NKAIN3: variants seen among roughly 807,000 people sequenced by gnomAD.
NKAIN3 encodes sodium/potassium-transporting ATPase subunit beta-1-interacting protein 3.
Under a neutral mutation model 30.2 loss-of-function variants are expected in NKAIN3, and 25 were observed. The ratio of observed to expected loss-of-function variants is 0.83; its 90% CI spans 0.60 to 1.16. The LOEUF is 1.16. NKAIN3 is among the 50% of genes most tolerant of loss of function. The pLI, the probability that NKAIN3 is intolerant of heterozygous loss-of-function variation, is 0.00. For synonymous variants in NKAIN3, 91 were observed against 89.6 expected (o/e 1.02, Z -0.09); for missense variants, 225 against 254.1 (o/e 0.89, Z 0.78).
chr8:62,693,086 G>C (rs1302514653), intron 3 of NKAIN3, among the ~76,000 whole-genome samples: 1 of 152,168 alleles, frequency 6.6e-6, no homozygotes, highest in Non-Finnish European at 1.5e-5. Context: ...CAGGTCCTGA[G>C]TCAGTTATAT....
At chr8:62,721,325 T>G (rs901736761) in intron 3 of NKAIN3, among the ~76,000 whole-genome samples, 3 of 152,232 alleles carry the variant, frequency 2.0e-5, no homozygotes, top group African/African-American at 7.2e-5. Flanking sequence ...ACTGCTACTT[T>G]GTGCTTGGCC....
chr8:62,256,416 CTCTA>C (rs1238368019), intron 1 of NKAIN3, among the ~76,000 whole-genome samples: 1 of 151,772 alleles, frequency 6.6e-6, no homozygotes, highest in Non-Finnish European at 1.5e-5. Flanking sequence ...AAGAATCTGT[CTCTA>C]AATAAATAAA....
At chr8:62,702,714 A>G (rs1321081005) in intron 3 of NKAIN3, among the ~76,000 whole-genome samples, 1 of 152,208 alleles carries the variant, frequency 6.6e-6, no homozygotes, top group Non-Finnish European at 1.5e-5. Context: ...CTATTTTTGA[A>G]AAATTCTAGA....
chr8:62,764,424 C>A (rs932093827), intron 4 of NKAIN3, among the ~76,000 whole-genome samples: 1 of 152,104 alleles, frequency 6.6e-6, no homozygotes, highest in Admixed American at 6.6e-5. Context: ...GCTGTACTTA[C>A]TGAGGTTACT....
chr8:62,964,556 G>T (rs1823652946), intron 6 of NKAIN3, among the ~76,000 whole-genome samples: 3 of 151,718 alleles, frequency 2.0e-5, no homozygotes, highest in Admixed American at 2.0e-4. Flanking sequence ...GTGTGTGTGT[G>T]TGTGTGTGTG....
intron 5 of NKAIN3, among the ~76,000 whole-genome samples, chr8:62,923,568 T>C (rs1822343767): frequency 6.6e-6 from 1 of 152,132 alleles, no homozygotes; most frequent in African/African-American, 2.4e-5. Flanking sequence ...AATCAAGGTA[T>C]AGGGAGATAA....
intron 1 of NKAIN3, among the ~76,000 whole-genome samples, chr8:62,308,732 A>G (rs935514170): frequency 6.6e-6 from 1 of 150,502 alleles, no homozygotes; most frequent in African/African-American, 2.5e-5. Flanking sequence ...TCCAGGTGAC[A>G]AGCCAGCTAC....
intron 1 of NKAIN3, among the ~76,000 whole-genome samples, chr8:62,549,225 C>T (rs990651541): frequency 6.6e-6 from 1 of 152,154 alleles, no homozygotes; most frequent in Non-Finnish European, 1.5e-5. Flanking sequence ...CACCCAGGCA[C>T]TCAGTAAAAT....
At chr8:62,316,299 C>T (rs944296603) in intron 1 of NKAIN3, among the ~76,000 whole-genome samples, 1 of 151,900 alleles carries the variant, frequency 6.6e-6, no homozygotes, top group African/African-American at 2.4e-5. Context: ...TTTTATTATA[C>T]TTTAAGTTTT....
At chr8:62,327,949 AT>A in intron 1 of NKAIN3, among the ~76,000 whole-genome samples, 1 of 152,150 alleles carries the variant, frequency 6.6e-6, no homozygotes, top group South Asian at 2.1e-4. Flanking sequence ...TTTTAAAATT[AT>A]TTTTAGCAAT....
intron 1 of NKAIN3, among the ~76,000 whole-genome samples, chr8:62,401,993 C>T (rs1013818926): frequency 2.0e-5 from 3 of 152,198 alleles, no homozygotes; most frequent in African/African-American, 7.2e-5. Context: ...GCTTTTCTCT[C>T]AACCTTCAGG....
intron 1 of NKAIN3, among the ~76,000 whole-genome samples, chr8:62,503,905 C>T (rs1807543537): frequency 6.6e-6 from 1 of 152,114 alleles, no homozygotes; most frequent in Non-Finnish European, 1.5e-5. Flanking sequence ...TTAACATAAT[C>T]ATCACAGGGT....
chr8:62,484,869 G>A (rs1806847320), intron 1 of NKAIN3, among the ~76,000 whole-genome samples: 1 of 152,152 alleles, frequency 6.6e-6, no homozygotes, highest in Admixed American at 6.5e-5. Flanking sequence ...GGCAGCAACA[G>A]CAATGGTCCA....
At chr8:62,586,668 A>T (rs1184878010) in intron 2 of NKAIN3, among the ~76,000 whole-genome samples, 1 of 152,248 alleles carries the variant, frequency 6.6e-6, no homozygotes, top group Non-Finnish European at 1.5e-5. Context: ...AATAATTCAT[A>T]TTATAAACTA....
intron 3 of NKAIN3, among the ~76,000 whole-genome samples, chr8:62,653,430 G>A (rs1369083013): frequency 2.6e-5 from 4 of 152,116 alleles, no homozygotes; most frequent in Non-Finnish European, 5.9e-5. Flanking sequence ...ACATTATGAT[G>A]GGCTTCAGTG....
chr8:62,707,958 C>T (rs911714399), intron 3 of NKAIN3, among the ~76,000 whole-genome samples: 2 of 152,042 alleles, frequency 1.3e-5, no homozygotes, highest in Admixed American at 6.6e-5. Flanking sequence ...AGCCAGTTAC[C>T]GAGCACCATT....
intron 3 of NKAIN3, among the ~76,000 whole-genome samples, chr8:62,597,316 G>A (rs949741552): frequency 7.2e-5 from 11 of 152,076 alleles, no homozygotes; most frequent in African/African-American, 2.4e-4. Flanking sequence ...TACTAAATGG[G>A]TATCGGCTTT....
intron 1 of NKAIN3, among the ~76,000 whole-genome samples, chr8:62,335,247 G>C (rs1351867339): frequency 6.6e-6 from 1 of 151,796 alleles, no homozygotes; most frequent in African/African-American, 2.4e-5. Flanking sequence ...CCAAAATGGT[G>C]AAACTCCATC....
At chr8:62,770,396 A>ACAACAAACCTGTGTTTCT (rs1816974516) in intron 4 of NKAIN3, among the ~76,000 whole-genome samples, 1 of 152,218 alleles carries the variant, frequency 6.6e-6, no homozygotes, top group African/African-American at 2.4e-5. Flanking sequence ...AGTAGTTTAA[A>ACAACAAACCTGTGTTTCT]CAACAAACCT....
Sources: allele counts gnomAD v4.1 joint callset (sites outside exome capture counted in the v4.1 genomes callset), GRCh38; gene constraint gnomAD v4.1.1; transcripts MANE v1.5; gene names NCBI Gene and HGNC (gene_info 2026-07-23, HGNC 2026-07-21).